Variants in TGFA observed in about 807,000 individuals in gnomAD.
TGFA encodes the protein transforming growth factor alpha.
A neutral mutation model predicts 21.7 loss-of-function variants in TGFA; 12 were observed. The ratio of observed to expected loss-of-function variants is 0.55; its 90% CI spans 0.35 to 0.90. The LOEUF is 0.90. Ranked by LOEUF, TGFA falls within the 40% of genes least tolerant of loss-of-function variation. The probability of loss-of-function intolerance (pLI) is 0.01; values close to 1 mark genes in which losing one functional copy is unlikely to be tolerated. For synonymous variants in TGFA, 79 were observed against 88.1 expected (o/e 0.90, Z 0.58); for missense variants, 178 against 210.8 (o/e 0.84, Z 0.96).
intron 4 of TGFA, among the ~76,000 whole-genome samples, chr2:70,454,900 G>T (rs551077097): frequency 6.6e-6 from 1 of 152,316 alleles, no homozygotes; most frequent in African/African-American, 2.4e-5. Context: ...AGGCCTGTGT[G>T]GGCCACCAGT....
At chr2:70,465,575 G>T in intron 3 of TGFA, 41 bp downstream of exon 3, 2 of 1,612,884 alleles carry the variant, frequency 1.2e-6, no homozygotes, top group South Asian at 2.2e-5. Context: ...ATATTGGACT[G>T]ACCCCAGCCC....
intron 1 of TGFA, chr2:70,553,471 G>A: frequency 7.1e-7 from 1 of 1,405,540 alleles, no homozygotes; most frequent in South Asian, 1.6e-5. Flanking sequence ...TTCACACTCC[G>A]CTTCCCCTTC....
intron 1 of TGFA, among the ~76,000 whole-genome samples, chr2:70,536,687 G>A (rs1553504443): frequency 6.6e-6 from 1 of 152,212 alleles, no homozygotes; most frequent in Non-Finnish European, 1.5e-5. Flanking sequence ...TGTGTGGGAT[G>A]CAGCAAAAGC....
intron 1 of TGFA, among the ~76,000 whole-genome samples, chr2:70,518,453 C>T (rs1296128271): frequency 2.0e-5 from 3 of 152,128 alleles, no homozygotes; most frequent in Admixed American, 6.5e-5. Flanking sequence ...CTGTTTGGTA[C>T]TCAGGTAAAT....
At chr2:70,486,984 G>A (rs944546276) in intron 2 of TGFA, among the ~76,000 whole-genome samples, 3 of 152,058 alleles carry the variant, frequency 2.0e-5, no homozygotes, top group Admixed American at 1.3e-4. Context: ...GGATGGTCTC[G>A]ATCTCCTGAC....
At chr2:70,524,726 G>A (rs1672583554) in intron 1 of TGFA, among the ~76,000 whole-genome samples, 1 of 152,226 alleles carries the variant, frequency 6.6e-6, no homozygotes. Flanking sequence ...GGCGGCAGTG[G>A]GCTAGGGACA....
intron 2 of TGFA, among the ~76,000 whole-genome samples, chr2:70,495,703 A>T (rs895089484): frequency 1.3e-5 from 2 of 152,110 alleles, no homozygotes; most frequent in Non-Finnish European, 2.9e-5. Flanking sequence ...TACTATGATT[A>T]TTGTTATTTG....
chr2:70,547,890 T>C lies in TGFA; in HGVS notation c.40+5838A>G, dbSNP rs1673365680. Among the ~76,000 whole-genome samples, 3 of 148,756 alleles carry C rather than the reference T, an allele frequency of 2.0e-5. No individual in the cohort carries two copies. In the South Asian group the frequency reaches 6.2e-4, roughly 31 times the overall value. On this transcript the variant is annotated intron_variant, in intron 1 of 5. Coordinates refer to ENST00000295400, the MANE Select transcript of TGFA (RefSeq NM_003236.4). Reference sequence around the variant, plus strand: ...AGAGATATATATATCTATAGATAGATAGTATACTATAAAGAATAGATCCAT... The same window carrying C: ...AGAGATATATATATCTATAGATAGACAGTATACTATAAAGAATAGATCCAT...
At chr2:70,488,676 G>A (rs1356621482) in intron 2 of TGFA, among the ~76,000 whole-genome samples, 2 of 152,080 alleles carry the variant, frequency 1.3e-5, no homozygotes, top group Non-Finnish European at 2.9e-5. Flanking sequence ...TGTTTTTCCA[G>A]GTGACCGTTA....
At chr2:70,491,676 T>A (rs138181463) in intron 2 of TGFA, among the ~76,000 whole-genome samples, 2 of 152,336 alleles carry the variant, frequency 1.3e-5, no homozygotes, top group East Asian at 3.9e-4. Context: ...CCCATGCACA[T>A]GACTGTTGGC....
intron 3 of TGFA, among the ~76,000 whole-genome samples, chr2:70,465,201 G>A (rs1017269420): frequency 3.9e-5 from 6 of 152,230 alleles, no homozygotes; most frequent in African/African-American, 9.6e-5. Flanking sequence ...GAGCTGGATT[G>A]TGAAGATGCT....
chr2:70,520,132 G>A (rs782602934), intron 1 of TGFA, among the ~76,000 whole-genome samples: 1 of 152,194 alleles, frequency 6.6e-6, no homozygotes, highest in African/African-American at 2.4e-5. Context: ...TGTTGGTCCT[G>A]TTTCATCATA....
At chr2:70,465,801 C>T in intron 2 of TGFA, 65 bp from the exon 3 acceptor site, 1 of 1,595,450 alleles carries the variant, frequency 6.3e-7, no homozygotes, top group Non-Finnish European at 8.5e-7. Context: ...CCACACCTCC[C>T]ACCCTACCAG....
At chr2:70,547,870 T>G (rs572751206) in intron 1 of TGFA, among the ~76,000 whole-genome samples, 6 of 148,212 alleles carry the variant, frequency 4.0e-5, no homozygotes, top group African/African-American at 1.2e-4. Flanking sequence ...TATAGAGAGA[T>G]ATATATATCT....
At position 70,447,957 on chromosome 2, in the gene TGFA, G is replaced by A. The variant is rs1669931225; in HGVS notation, c.*2902C>T. Reference sequence around the variant, plus strand: ...TCGAAAACCTGGCTTGAAGATAACAGGCAGTTTTCTGTACCTGCAAAACAC... The same window carrying A: ...TCGAAAACCTGGCTTGAAGATAACAAGCAGTTTTCTGTACCTGCAAAACAC... On this transcript the variant is annotated 3_prime_UTR_variant, in exon 6 of 6. Coordinates refer to ENST00000295400, the MANE Select transcript of TGFA (RefSeq NM_003236.4). The A allele has an allele frequency of 6.6e-6, 1 of 152,188 alleles. No individual in the cohort carries two copies. The highest frequency in any genetic ancestry group is 2.1e-4 in the South Asian group (1 of 4,824). The allele number at this position is 152,188 out of a possible 1,614,324, so 9.4% of individuals were successfully genotyped here. A position where few individuals can be genotyped will look rare whatever the true frequency, so the allele number is the denominator to read the frequency against.
chr2:70,536,706 G>C (rs1433227987), intron 1 of TGFA, among the ~76,000 whole-genome samples: 4 of 152,218 alleles, frequency 2.6e-5, no homozygotes, highest in African/African-American at 9.6e-5. Context: ...GCAGTGCTTA[G>C]AGGAAGATTT....
chr2:70,484,437 T>C (rs1671214119), intron 2 of TGFA, among the ~76,000 whole-genome samples: 1 of 152,206 alleles, frequency 6.6e-6, no homozygotes, highest in Non-Finnish European at 1.5e-5. Flanking sequence ...ATCCCGATTA[T>C]TTTTTCTTGA....
intron 2 of TGFA, among the ~76,000 whole-genome samples, chr2:70,491,096 TC>T (rs1486246734): frequency 6.6e-6 from 1 of 152,178 alleles, no homozygotes; most frequent in Non-Finnish European, 1.5e-5. Flanking sequence ...CACCTACCCA[TC>T]TACCTTTAAT....
intron 2 of TGFA, among the ~76,000 whole-genome samples, chr2:70,470,301 C>A (rs1459421688): frequency 6.6e-6 from 1 of 152,104 alleles, no homozygotes; most frequent in African/African-American, 2.4e-5. Flanking sequence ...GGTTAATACA[C>A]AAAGATGGAT....
Sources: allele counts gnomAD v4.1 joint callset (sites outside exome capture counted in the v4.1 genomes callset), GRCh38; gene constraint gnomAD v4.1.1; transcripts MANE v1.5; gene names NCBI Gene and HGNC (gene_info 2026-07-23, HGNC 2026-07-21).